Variants in TRPM4 observed in about 807,000 individuals in gnomAD.
TRPM4 encodes transient receptor potential cation channel subfamily M member 4, also known as calcium-activated non-selective cation channel 1.
Under a neutral mutation model 135.6 loss-of-function variants are expected in TRPM4, and 124 were observed. The observed-to-expected ratio is 0.91, with a 90% CI of 0.79 to 1.06. The LOEUF (loss-of-function observed/expected upper bound fraction) is 1.06, where lower values mean the gene tolerates loss of function less well. Ranked by LOEUF, TRPM4 falls within the 50% of genes least tolerant of loss-of-function variation. The probability of loss-of-function intolerance (pLI) is 0.00; values close to 1 mark genes in which losing one functional copy is unlikely to be tolerated. For missense variants in TRPM4, 1,658 were observed against 1,671.4 expected (o/e 0.99, Z 0.14); for synonymous variants, 745 against 705.6 (o/e 1.06, Z -0.88).
chr19:49,164,392 T>TG (rs1967094774), intron 2 of TRPM4, among the ~76,000 whole-genome samples: 2 of 119,608 alleles, frequency 1.7e-5, no homozygotes, highest in Non-Finnish European at 3.5e-5. Context: ...TTTTTTTTTT[T>TG]TTTTTTGAGA....
At chr19:49,200,279 T>A in intron 17 of TRPM4, 21 bp from the exon 18 acceptor site, 1 of 1,614,156 alleles carries the variant, frequency 6.2e-7, no homozygotes, top group South Asian at 1.1e-5. Flanking sequence ...TTGACCCTTG[T>A]GGCATCTCCC....
chr19:49,190,120 T>C, intron 14 of TRPM4, 88 bp from the exon 15 acceptor site: 1 of 1,086,076 alleles, frequency 9.2e-7, no homozygotes, highest in South Asian at 1.2e-5. Flanking sequence ...TGCTCTGTAC[T>C]CTGGAGCTGC....
At chr19:49,201,743 G>A (rs914268964) in intron 19 of TRPM4, among the ~76,000 whole-genome samples, 9 of 152,082 alleles carry the variant, frequency 5.9e-5, no homozygotes, top group South Asian at 2.1e-4. Context: ...GACTACAGGC[G>A]CGTGCCACCA....
At chr19:49,200,895 CCT>C in intron 19 of TRPM4, 110 bp downstream of exon 19, 1 of 1,252,776 alleles carries the variant, frequency 8.0e-7, no homozygotes, top group Middle Eastern at 2.6e-4. Flanking sequence ...TCTCTGTCTC[CCT>C]CTTTCTCTGG....
At chr19:49,165,022 C>T (rs2122773591) in intron 2 of TRPM4, among the ~76,000 whole-genome samples, 1 of 152,236 alleles carries the variant, frequency 6.6e-6, no homozygotes, top group Non-Finnish European at 1.5e-5. Flanking sequence ...GGATTACAGG[C>T]ATGAGCCATC....
At chr19:49,166,253 G>C (rs749780741) in intron 3 of TRPM4, 38 bp downstream of exon 3, 7 of 1,553,304 alleles carry the variant, frequency 4.5e-6, no homozygotes, top group African/African-American at 1.4e-5. Context: ...CGGGCACCAG[G>C]GGGCTGCATG....
At chr19:49,203,544 CA>C (rs1168325350) in intron 20 of TRPM4, among the ~76,000 whole-genome samples, 8 of 152,146 alleles carry the variant, frequency 5.3e-5, no homozygotes, top group Admixed American at 1.3e-4. Flanking sequence ...ACTCTCCAAC[CA>C]TCACCACTAT....
In TRPM4 at chr19:49,201,966, G is replaced by A. The variant is rs1968949532; in HGVS notation, c.2956G>A (p.Ala986Thr). ...GQIPQEDMDV[A>T]LMEHSNCSSE... The stretch of plus-strand genomic sequence containing the variant: ...TCTCTGAATGTCTCTCTTCACAGTG[G>A]CCCTCATGGAGCACAGCAACTGCTC... The change falls in exon 20 of 25, where the codon GCC becomes ACC. Residue 986 changes from alanine (A) to threonine (T), a missense_variant and splice_region_variant. Around this residue, in one of 3 missense-constraint regions of TRPM4, gnomAD observed 1,412 missense variants for 1,408.7 expected, o/e 1.00. Transcript: ENST00000252826. 6.2e-6 allele frequency: 10 copies of A among 1,613,436 alleles called. No individual in the cohort carries two copies. The highest frequency in any genetic ancestry group is 8.5e-6 in the Non-Finnish European group (10 of 1,180,012).
chr19:49,172,892 C>T (rs1967523540), intron 9 of TRPM4, among the ~76,000 whole-genome samples: 1 of 115,334 alleles, frequency 8.7e-6, no homozygotes, highest in Non-Finnish European at 1.9e-5. Flanking sequence ...CCTGAGAATT[C>T]CATCCGCTCA....
At position 49,210,707 on chromosome 19, in the gene TRPM4, C is replaced by T. The variant is rs1969323544; in HGVS notation, c.3329-3C>T. 2 of 1,614,102 alleles carry T rather than the reference C, an allele frequency of 1.2e-6. No individual in the cohort carries two copies. The highest frequency in any genetic ancestry group is 2.2e-5 in the East Asian group (1 of 44,880). ...AGCCCTTTGACTCCGCCCGCCCCTG[C>T]AGGGGTTTACCTTTCTAAGGAAGCC... On this transcript the variant is annotated splice_polypyrimidine_tract_variant and splice_region_variant and intron_variant, in intron 21 of 24. Coordinates refer to ENST00000252826, the MANE Select transcript of TRPM4 (RefSeq NM_017636.4). The surrounding 1 kb of genome is among the most constrained non-coding windows in gnomAD (Gnocchi z 4.1).
At chr19:49,200,461 G>A (rs1197862858) in intron 18 of TRPM4, 29 bp downstream of exon 18, 1 of 1,609,608 alleles carries the variant, frequency 6.2e-7, no homozygotes, top group Non-Finnish European at 8.5e-7. Flanking sequence ...CAAAGTGGGC[G>A]GGGACATAGG....
chr19:49,208,532 A>G (rs112326574), intron 20 of TRPM4, among the ~76,000 whole-genome samples: 8,442 of 152,056 alleles, frequency 0.056, 697 homozygotes, highest in African/African-American at 0.17. Context: ...ACTTCTCATC[A>G]TGCCCCTTCA....
At chr19:49,195,709 G>T (rs1464003271) in intron 16 of TRPM4, among the ~76,000 whole-genome samples, 2 of 145,984 alleles carry the variant, frequency 1.4e-5, no homozygotes, top group Admixed American at 1.4e-4. Flanking sequence ...TTTTAGACAG[G>T]GTCTCGCTCT....
rs1480528046 is a variant in TRPM4 at position 49,210,533 on chromosome 19, A to G, written c.3328+128A>G. ...GGTAGCGAGGGGCGGGGTTTAAGCA[A>G]CAAGGGGCGGAGCTTAAGCACTGAG... On this transcript the variant is annotated intron_variant, in intron 21 of 24. Coordinates refer to ENST00000252826, the MANE Select transcript of TRPM4 (RefSeq NM_017636.4). The surrounding 1 kb of genome is among the most constrained non-coding windows in gnomAD (Gnocchi z 4.1). The G allele has an allele frequency of 4.4e-5, 63 of 1,419,668 alleles. No homozygotes were observed. In the East Asian group the frequency reaches 1.2e-3, roughly 26 times the overall value. 87.9% of individuals were successfully genotyped at this position (1,419,668 alleles called of 1,614,324 possible).
chr19:49,191,750 A>G (rs4621082), intron 16 of TRPM4, among the ~76,000 whole-genome samples: 32,521 of 152,040 alleles, frequency 0.21, 3,810 homozygotes, highest in South Asian at 0.31. Flanking sequence ...CGCCCGCCTC[A>G]GCCTCCCAAA....
Position 49,196,578 on chromosome 19 carries a change from C to G in TRPM4, c.2349C>G (p.Phe783Leu), listed in dbSNP as rs1968650302. Residue 783 changes from phenylalanine to leucine, a missense_variant, in exon 17 of 25, where the codon TTC becomes TTG. This residue lies in a region of TRPM4 where 1,412 missense variants were observed against 1,408.7 expected (regional missense o/e 1.00). Transcript: ENST00000252826. ...FHFWGAPVTI[F>L]MGNVVSYLLF... ...TCTGGGGCGCGCCGGTGACCATCTT[C>G]ATGGGCAACGTGGTCAGCTACCTGC... The G allele has an allele frequency of 6.4e-7, 1 of 1,557,128 alleles. No individual in the cohort carries two copies.
intron 2 of TRPM4, among the ~76,000 whole-genome samples, chr19:49,162,561 C>T (rs550687125): frequency 6.7e-6 from 1 of 148,948 alleles, no homozygotes; most frequent in East Asian, 2.0e-4. Context: ...AACAAACAAA[C>T]AAACAAAAAA....
intron 16 of TRPM4, among the ~76,000 whole-genome samples, chr19:49,195,887 A>T (rs928772261): frequency 6.7e-6 from 1 of 149,620 alleles, no homozygotes. Flanking sequence ...TATTATTATT[A>T]TTATTTTTGA....
Position 49,157,832 on chromosome 19 carries a change from C to T in TRPM4, c.-35C>T. ...GAGCCGGCGGAGGGAGCGCCGGGGC[C>T]CTGGGCTGCAGGAGGTTGCGGCGGC... On this transcript the variant is annotated 5_prime_UTR_variant, in exon 1 of 25. Coordinates refer to ENST00000252826, the MANE Select transcript of TRPM4 (RefSeq NM_017636.4). 6.5e-7 allele frequency: 1 copy of T among 1,534,062 alleles called. No homozygotes were observed. Among genetic ancestry groups the T allele is most frequent in the Non-Finnish European group, 8.7e-7 (1 of 1,145,986 alleles).
Sources: allele counts gnomAD v4.1 joint callset (sites outside exome capture counted in the v4.1 genomes callset), GRCh38; gene constraint gnomAD v4.1.1; regional missense constraint gnomAD v4.1.1; non-coding constraint Gnocchi (gnomAD v3.1); transcripts MANE v1.5; gene names NCBI Gene and HGNC (gene_info 2026-07-23, HGNC 2026-07-21).